NRG3: variants seen among roughly 807,000 people sequenced by gnomAD.
NRG3 encodes pro-neuregulin-3, membrane-bound isoform.
Under a neutral mutation model 66.9 loss-of-function variants are expected in NRG3, and 31 were observed. The ratio of observed to expected loss-of-function variants is 0.46; its 90% CI spans 0.35 to 0.63. The LOEUF is 0.63. NRG3 is among the 20% of genes least tolerant of loss of function. NRG3 has a pLI of 0.00. For synonymous variants in NRG3, 393 were observed against 359.4 expected, an observed-to-expected ratio of 1.09 and a Z score of -1.06; for missense variants, 910 against 878.9, an observed-to-expected ratio of 1.04 and a Z score of -0.45.
chr10:82,348,427 T>A (rs7083938), intron 1 of NRG3, among the ~76,000 whole-genome samples: 5 of 144,470 alleles, frequency 3.5e-5, no homozygotes, highest in African/African-American at 1.4e-4. Context: ...GGGTTTCTGC[T>A]GAGAGATCCG....
chr10:82,527,375 T>C (rs535442546), intron 2 of NRG3, among the ~76,000 whole-genome samples: 274 of 152,236 alleles, frequency 1.8e-3, no homozygotes, highest in Non-Finnish European at 3.0e-3. Context: ...TAAACTACAA[T>C]TTTAAAAAAT....
intron 1 of NRG3, among the ~76,000 whole-genome samples, chr10:82,216,519 T>A (rs1354994180): frequency 6.9e-6 from 1 of 145,478 alleles, no homozygotes; most frequent in East Asian, 2.0e-4. Flanking sequence ...CACACATATA[T>A]GCACATATAT....
chr10:82,312,255 G>C (rs879538089), intron 1 of NRG3, among the ~76,000 whole-genome samples: 1 of 152,170 alleles, frequency 6.6e-6, no homozygotes, highest in South Asian at 2.1e-4. Flanking sequence ...ATTTACATAA[G>C]TGTTGGAAGC....
chr10:82,421,551 T>G (rs1564902686), intron 2 of NRG3, among the ~76,000 whole-genome samples: 1 of 152,092 alleles, frequency 6.6e-6, no homozygotes, highest in Non-Finnish European at 1.5e-5. Flanking sequence ...CCAGCAGATG[T>G]AGGGCTGAAT....
chr10:82,488,827 A>C (rs1350051680), intron 2 of NRG3, among the ~76,000 whole-genome samples: 3 of 152,196 alleles, frequency 2.0e-5, no homozygotes, highest in African/African-American at 7.2e-5. Context: ...TTTTTTCATG[A>C]AGATCTTCAT....
intron 2 of NRG3, among the ~76,000 whole-genome samples, chr10:82,664,789 G>C (rs946683311): frequency 6.6e-6 from 1 of 151,878 alleles, no homozygotes; most frequent in African/African-American, 2.4e-5. Context: ...CACTCCCACC[G>C]TCCAGCTTTC....
intron 3 of NRG3, among the ~76,000 whole-genome samples, chr10:82,759,425 T>C (rs1240186453): frequency 6.6e-6 from 1 of 152,146 alleles, no homozygotes; most frequent in Non-Finnish European, 1.5e-5. Flanking sequence ...CTTTTCTTTG[T>C]AGATTGCCCA....
At chr10:82,109,950 T>C (rs1046068117) in intron 1 of NRG3, among the ~76,000 whole-genome samples, 4 of 152,130 alleles carry the variant, frequency 2.6e-5, no homozygotes, top group African/African-American at 9.7e-5. Flanking sequence ...CTGTGATTCA[T>C]TGATTCCTGA....
intron 2 of NRG3, among the ~76,000 whole-genome samples, chr10:82,396,555 T>A (rs1284077521): frequency 1.3e-5 from 2 of 152,214 alleles, no homozygotes; most frequent in Admixed American, 6.5e-5. Context: ...AACAAATATA[T>A]GCACAGCAAC....
intron 2 of NRG3, among the ~76,000 whole-genome samples, chr10:82,651,363 C>T (rs1317969567): frequency 2.0e-5 from 3 of 152,088 alleles, no homozygotes; most frequent in African/African-American, 7.2e-5. Context: ...AAGATATGTC[C>T]AATAAAAGAG....
At chr10:82,442,531 C>G (rs1433087365) in intron 2 of NRG3, among the ~76,000 whole-genome samples, 1 of 152,022 alleles carries the variant, frequency 6.6e-6, no homozygotes, top group Non-Finnish European at 1.5e-5. Flanking sequence ...TTCAAGAAGG[C>G]TTATGGAACA....
At chr10:81,945,540 T>A (rs1848772629) in intron 1 of NRG3, among the ~76,000 whole-genome samples, 1 of 152,174 alleles carries the variant, frequency 6.6e-6, no homozygotes, top group African/African-American at 2.4e-5. Context: ...ACACATAATA[T>A]CTTTGCTCTG....
intron 3 of NRG3, among the ~76,000 whole-genome samples, chr10:82,750,795 A>G (rs2058831922): frequency 1.3e-5 from 2 of 152,292 alleles, no homozygotes; most frequent in African/African-American, 4.8e-5. Context: ...TTCTTGCAAT[A>G]GGAAACTTTT....
intron 2 of NRG3, among the ~76,000 whole-genome samples, chr10:82,708,787 G>A (rs2056477600): frequency 1.3e-5 from 2 of 152,182 alleles, no homozygotes; most frequent in East Asian, 1.9e-4. Context: ...CAATACTAGA[G>A]TTTTATTGAC....
chr10:82,095,740 T>G (rs2066297070), intron 1 of NRG3, among the ~76,000 whole-genome samples: 1 of 152,160 alleles, frequency 6.6e-6, no homozygotes, highest in African/African-American at 2.4e-5. Context: ...TGTTAAAACT[T>G]AACTCACTCT....
chr10:82,874,479 T>C (rs1332960926), intron 4 of NRG3, among the ~76,000 whole-genome samples: 1 of 151,674 alleles, frequency 6.6e-6, no homozygotes, highest in Non-Finnish European at 1.5e-5. Context: ...ATATATTATA[T>C]TTCTGTATAG....
At chr10:82,734,086 C>T (rs186446977) in intron 2 of NRG3, among the ~76,000 whole-genome samples, 1 of 152,302 alleles carries the variant, frequency 6.6e-6, no homozygotes, top group African/African-American at 2.4e-5. Flanking sequence ...TTTACCACAC[C>T]AGGCAAAACA....
chr10:82,596,076 T>C (rs1162141782), intron 2 of NRG3, among the ~76,000 whole-genome samples: 3 of 152,242 alleles, frequency 2.0e-5, no homozygotes, highest in Non-Finnish European at 4.4e-5. Context: ...TACTTTTAAA[T>C]GTATGTTTAA....
intron 2 of NRG3, among the ~76,000 whole-genome samples, chr10:82,552,133 G>T (rs1219992774): frequency 2.0e-5 from 3 of 151,900 alleles, no homozygotes; most frequent in Non-Finnish European, 4.4e-5. Context: ...CTAAATAATT[G>T]AGGGTTGAAA....
Sources: gnomAD v4.1 joint callset for allele counts (sites outside exome capture counted in the v4.1 genomes callset) on GRCh38, gnomAD v4.1.1 for gene constraint, MANE v1.5 for transcripts, NCBI Gene and HGNC (gene_info 2026-07-23, HGNC 2026-07-21) for gene names.